Variants in TTLL6 observed in about 807,000 individuals in gnomAD.
TTLL6 encodes tubulin polyglutamylase TTLL6.
TTLL6 carries 75 observed loss-of-function variants against 96.4 expected under a neutral mutation model. That is an observed-to-expected ratio of 0.78 (90% CI 0.65 to 0.94). The LOEUF (loss-of-function observed/expected upper bound fraction) is 0.94, where lower values mean the gene tolerates loss of function less well. TTLL6 is among the 40% of genes least tolerant of loss of function. The pLI, the probability that TTLL6 is intolerant of heterozygous loss-of-function variation, is 0.00. For missense variants in TTLL6, 1,030 were observed against 1,093.0 expected (o/e 0.94, Z 0.81); for synonymous variants, 411 against 419.4 (o/e 0.98, Z 0.24).
intron 11 of TTLL6, among the ~76,000 whole-genome samples, 172 bp from the exon 12 acceptor site, chr17:48,786,507 G>A (rs138878422): frequency 1.1e-4 from 17 of 152,332 alleles, no homozygotes; most frequent in Non-Finnish European, 1.9e-4. Context: ...GGGTGTGGAG[G>A]AAAGCATCAT....
intron 6 of TTLL6, 118 bp from the exon 7 acceptor site, chr17:48,797,322 G>A: frequency 8.9e-7 from 1 of 1,128,192 alleles, no homozygotes; most frequent in South Asian, 1.6e-5. Flanking sequence ...GTTGTGGAGG[G>A]CAGGCTTGTC....
chr17:48,808,269 C>G (rs1212142883), intron 1 of TTLL6, among the ~76,000 whole-genome samples: 1 of 152,142 alleles, frequency 6.6e-6, no homozygotes, highest in Non-Finnish European at 1.5e-5. Flanking sequence ...CTCTAAAATG[C>G]ATTATCGCAG....
chr17:48,799,618 G>A lies in TTLL6; in HGVS notation c.754C>T (p.Leu252=). 1 of 1,551,888 alleles carries A rather than the reference G, an allele frequency of 6.4e-7. No homozygotes were observed. The highest frequency in any genetic ancestry group is 8.7e-7 in the Non-Finnish European group (1 of 1,147,036). Residue 252 remains leucine, a synonymous_variant, in exon 6 of 16, where the codon CTG becomes TTG. Coordinates refer to ENST00000393382, the MANE Select transcript of TTLL6 (RefSeq NM_001130918.3). ...TGAGGAAGTACCTTTGAAATATACA[G>A]CTGACAGATCATATCCTCCCCTGGT... is the stretch of plus-strand genomic sequence containing the variant. The part of the protein sequence containing the change: ...IKPGEDMICQ[L]YISKPFIIDG...
At chr17:48,794,901 C>T (rs968130885) in intron 8 of TTLL6, among the ~76,000 whole-genome samples, 6 of 152,168 alleles carry the variant, frequency 3.9e-5, no homozygotes, top group Non-Finnish European at 7.4e-5. Context: ...GTCACAGCTG[C>T]GGGACCTGGG....
intron 13 of TTLL6, 22 bp downstream of exon 13, chr17:48,784,901 C>G (rs749787060): frequency 6.2e-7 from 1 of 1,604,842 alleles, no homozygotes; most frequent in Admixed American, 1.7e-5. Flanking sequence ...CACTCCCTCC[C>G]AGAGCTCGGC....
At chr17:48,779,646 AC>A (rs2038950019) in intron 13 of TTLL6, among the ~76,000 whole-genome samples, 2 of 152,172 alleles carry the variant, frequency 1.3e-5, no homozygotes. Flanking sequence ...AACCAAACAA[AC>A]AAAAAACTGG....
rs34983566 is a variant in TTLL6 at position 48,811,695 on chromosome 17, CTT to C, written c.103+5273_103+5274del. 9.0e-3 allele frequency among the ~76,000 whole-genome samples: 1,071 copies of C among 118,904 alleles called. 2 individuals are homozygous for C. The highest frequency in any genetic ancestry group is 0.031 in the African/African-American group (961 of 30,550). The allele number at this position is 118,904 out of a possible 152,430, so 78.0% of individuals were successfully genotyped here. A position where few individuals can be genotyped will look rare whatever the true frequency, so the allele number is the denominator to read the frequency against. On this transcript the variant is annotated intron_variant, in intron 1 of 15. Coordinates refer to ENST00000393382, the MANE Select transcript of TTLL6 (RefSeq NM_001130918.3). ...ACTTCCACCAGGGCTGAGCAGAAAG[CTT>C]TTTTTTTTTTTTTTTTTTGAGACAG...
In TTLL6 at chr17:48,770,106, A is replaced by G; in HGVS notation, c.2041-9T>C. 6.3e-7 allele frequency: 1 copy of G among 1,587,246 alleles called. No homozygotes were observed. The highest frequency in any genetic ancestry group is 8.6e-7 in the Non-Finnish European group (1 of 1,165,544). ...TCTACGGAGGTTAAGTGCTGGAAGA[A>G]AAGACAGTTCAAAATGAGACTGTGG... is the stretch of plus-strand genomic sequence containing the variant. On this transcript the variant is annotated splice_polypyrimidine_tract_variant and intron_variant, in intron 13 of 15. Transcript: ENST00000393382.
chr17:48,774,230 G>GTTTTTTTTTTTTT (rs753077737), intron 13 of TTLL6, among the ~76,000 whole-genome samples: 1 of 117,742 alleles, frequency 8.5e-6, no homozygotes, highest in African/African-American at 3.1e-5. Context: ...ATCCAGGTTT[G>GTTTTTTTTTTTTT]TTGTTTTTTT....
chr17:48,811,630 A>G (rs756004270), intron 1 of TTLL6, among the ~76,000 whole-genome samples: 1 of 151,082 alleles, frequency 6.6e-6, no homozygotes, highest in Non-Finnish European at 1.5e-5. Context: ...CTGCTCTAGT[A>G]TCTCTGGCCT....
At chr17:48,802,909 C>A (rs1034106347) in intron 3 of TTLL6, among the ~76,000 whole-genome samples, 10 of 151,606 alleles carry the variant, frequency 6.6e-5, no homozygotes, top group Non-Finnish European at 1.5e-4. Flanking sequence ...GTGGCTCATG[C>A]CTGTAATCCC....
chr17:48,814,843 G>A (rs551754467), intron 1 of TTLL6, among the ~76,000 whole-genome samples: 8 of 152,134 alleles, frequency 5.3e-5, no homozygotes, highest in Non-Finnish European at 8.8e-5. Flanking sequence ...GCAATGGCAC[G>A]ATCTCAGCTC....
intron 6 of TTLL6, 126 bp from the exon 7 acceptor site, chr17:48,797,330 G>A (rs2039334714): frequency 7.8e-6 from 8 of 1,030,626 alleles, no homozygotes; most frequent in Non-Finnish European, 1.1e-5. Flanking sequence ...GGGCAGGCTT[G>A]TCCAGGGTCA....
In TTLL6 at chr17:48,786,150, C is replaced by T; in HGVS notation, c.1761+14G>A. 6.2e-7 allele frequency: 1 copy of T among 1,614,110 alleles called. No individual in the cohort carries two copies. ...AGGGTGTGGCTACGTGTGTTCCCCTCAATCCAGGTTTACCTGTTTGGAGGC... is the reference window on the plus strand; with the variant it reads ...AGGGTGTGGCTACGTGTGTTCCCCTTAATCCAGGTTTACCTGTTTGGAGGC... On this transcript the variant is annotated intron_variant, in intron 12 of 15. Transcript: ENST00000393382.
At chr17:48,786,606 A>ATTTGT (rs1421892355) in intron 11 of TTLL6, among the ~76,000 whole-genome samples, 1 of 152,066 alleles carries the variant, frequency 6.6e-6, no homozygotes, top group Admixed American at 6.6e-5. Flanking sequence ...TCACAGCCCT[A>ATTTGT]TTTGTTCCCC....
chr17:48,788,144 T>A, intron 10 of TTLL6, 145 bp from the exon 11 acceptor site: 2 of 732,680 alleles, frequency 2.7e-6, no homozygotes, highest in South Asian at 3.8e-5. Context: ...AATAAATGCA[T>A]GACTGTTTCC....
intron 13 of TTLL6, among the ~76,000 whole-genome samples, chr17:48,781,307 A>C (rs1416465132): frequency 1.3e-5 from 2 of 152,184 alleles, no homozygotes; most frequent in Non-Finnish European, 2.9e-5. Context: ...TCAGCGTCCC[A>C]AAGTGCTGGG....
At chr17:48,765,352 T>C (rs1346095040) in intron 15 of TTLL6, among the ~76,000 whole-genome samples, 1 of 152,038 alleles carries the variant, frequency 6.6e-6, no homozygotes, top group Non-Finnish European at 1.5e-5. Flanking sequence ...TTTGAGATTA[T>C]AGTGAGCCAT....
At chr17:48,814,685 T>A (rs674755) in intron 1 of TTLL6, among the ~76,000 whole-genome samples, 73,430 of 151,928 alleles carry the variant, frequency 0.48, 18,378 homozygotes, top group East Asian at 0.84. Context: ...CAGAGGAGGG[T>A]CCCTGTCTTA....
Sources: gnomAD v4.1 joint callset for allele counts (sites outside exome capture counted in the v4.1 genomes callset) on GRCh38, gnomAD v4.1.1 for gene constraint, MANE v1.5 for transcripts, NCBI Gene and HGNC (gene_info 2026-07-23, HGNC 2026-07-21) for gene names.